VPS26C: variants seen among roughly 807,000 people sequenced by gnomAD.
VPS26C encodes the protein vacuolar protein sorting-associated protein 26C.
A neutral mutation model predicts 30.6 loss-of-function variants in VPS26C; 19 were observed. The observed-to-expected ratio is 0.62, with a 90% CI of 0.43 to 0.91. VPS26C has a LOEUF of 0.91. VPS26C is among the 40% of genes least tolerant of loss of function. The pLI, the probability that VPS26C is intolerant of heterozygous loss-of-function variation, is 0.00. For missense variants in VPS26C, 318 were observed against 385.1 expected, an observed-to-expected ratio of 0.83 and a Z score of 1.46; for synonymous variants, 132 against 151.5, an observed-to-expected ratio of 0.87 and a Z score of 0.95.
intron 1 of VPS26C, among the ~76,000 whole-genome samples, chr21:37,259,558 A>T (rs565901553): frequency 3.5e-4 from 53 of 152,296 alleles, no homozygotes; most frequent in Non-Finnish European, 5.9e-4. Flanking sequence ...TTACTGCAGG[A>T]TTTTTCTAAC....
At chr21:37,235,879 ATT>A (rs1248919097) in intron 3 of VPS26C, among the ~76,000 whole-genome samples, 92 of 111,294 alleles carry the variant, frequency 8.3e-4, no homozygotes, top group African/African-American at 2.8e-3. Flanking sequence ...ATATATATAT[ATT>A]TTTTTTTTTA....
intron 1 of VPS26C, among the ~76,000 whole-genome samples, chr21:37,266,627 C>T (rs1335837259): frequency 6.6e-6 from 1 of 152,194 alleles, no homozygotes; most frequent in African/African-American, 2.4e-5. Context: ...TGTCACAAAA[C>T]CTGTTAATGG....
intron 1 of VPS26C, among the ~76,000 whole-genome samples, chr21:37,250,487 G>A (rs2835683): frequency 0.48 from 72,767 of 151,914 alleles, 18,863 homozygotes; most frequent in African/African-American, 0.67. Context: ...AATAAATATG[G>A]CCACAAATAT....
chr21:37,265,758 A>G (rs1467996735), intron 1 of VPS26C, among the ~76,000 whole-genome samples: 1 of 152,070 alleles, frequency 6.6e-6, no homozygotes, highest in African/African-American at 2.4e-5. Flanking sequence ...GGAATACTAC[A>G]TAGGTGAGTT....
intron 1 of VPS26C, among the ~76,000 whole-genome samples, chr21:37,260,297 ATT>A (rs201383628): frequency 0.011 from 1,612 of 152,296 alleles, 21 homozygotes; most frequent in East Asian, 0.028. Flanking sequence ...TCCATGGGAA[ATT>A]TAATCTTTCA....
At chr21:37,225,714 T>G in intron 7 of VPS26C, 88 bp from the exon 8 acceptor site, 25 of 1,170,414 alleles carry the variant, frequency 2.1e-5, no homozygotes, top group Middle Eastern at 2.6e-4. Context: ...CAGGAAGCTC[T>G]AACGGCGAAG....
intron 1 of VPS26C, among the ~76,000 whole-genome samples, chr21:37,264,475 C>T (rs1316643107): frequency 6.6e-6 from 1 of 152,200 alleles, no homozygotes; most frequent in Non-Finnish European, 1.5e-5. Context: ...CTTTTCATTA[C>T]TTGTATCATA....
chr21:37,232,616 C>T, intron 4 of VPS26C, 165 bp from the exon 5 acceptor site: 1 of 619,894 alleles, frequency 1.6e-6, no homozygotes, highest in East Asian at 2.7e-5. Flanking sequence ...TGTCAAATTT[C>T]CCCATCTTGC....
At chr21:37,267,989 G>T (rs1165345041), upstream of VPS26C, 1 of 152,314 alleles carries the variant, frequency 6.6e-6, no homozygotes, top group African/African-American at 2.4e-5. Context: ...TGATTGGCCG[G>T]CGGCTCGGTT....
At chr21:37,247,809 G>A (rs2148298125) in intron 1 of VPS26C, among the ~76,000 whole-genome samples, 1 of 152,296 alleles carries the variant, frequency 6.6e-6, no homozygotes, top group Admixed American at 6.5e-5. Flanking sequence ...AGACAATGCT[G>A]AATTCCGAGA....
At chr21:37,240,943 G>T (rs1373783512) in intron 1 of VPS26C, among the ~76,000 whole-genome samples, 1 of 152,176 alleles carries the variant, frequency 6.6e-6, no homozygotes, top group African/African-American at 2.4e-5. Flanking sequence ...ACAGATGTCT[G>T]AATTCAAGAG....
chr21:37,244,191 TCA>T (rs1344078286), intron 1 of VPS26C, among the ~76,000 whole-genome samples: 8 of 152,236 alleles, frequency 5.3e-5, no homozygotes, highest in Non-Finnish European at 2.9e-5. Context: ...TTGCTGGCTC[TCA>T]CAGCGGAAAC....
At position 37,224,473 on chromosome 21, in the gene VPS26C, G is replaced by A. The variant is rs2085878494; in HGVS notation, c.*1071C>T. 6.6e-6 allele frequency: 1 copy of A among 152,240 alleles called. No individual in the cohort carries two copies. The highest frequency in any genetic ancestry group is 1.5e-5 in the Non-Finnish European group (1 of 68,110). 9.4% of individuals were successfully genotyped at this position (152,240 alleles called of 1,614,324 possible). A position where few individuals can be genotyped will look rare whatever the true frequency, so the allele number is the denominator to read the frequency against. On this transcript the variant is annotated 3_prime_UTR_variant, in exon 8 of 8. Coordinates refer to ENST00000309117, the MANE Select transcript of VPS26C (RefSeq NM_006052.2). The stretch of plus-strand genomic sequence containing the variant: ...GAGCCAGGGAGGTTGAGGCTGCCGT[G>A]AGCTGTGATCCTGCCAGTGCACTCA...
At chr21:37,256,675 T>G (rs958898953) in intron 1 of VPS26C, among the ~76,000 whole-genome samples, 1 of 152,160 alleles carries the variant, frequency 6.6e-6, no homozygotes, top group Non-Finnish European at 1.5e-5. Flanking sequence ...TTACAGAGAG[T>G]AAAAAGCCCA....
chr21:37,254,358 G>C lies in VPS26C; in HGVS notation c.57+12880C>G, dbSNP rs73903516. Reference sequence around the variant, plus strand: ...TAGAAAGCAAGAGCACGGTTAGGTGGGGTGGCTCGCACTGTAATCCCAACC... The same window carrying C: ...TAGAAAGCAAGAGCACGGTTAGGTGCGGTGGCTCGCACTGTAATCCCAACC... On this transcript the variant is annotated intron_variant, in intron 1 of 7. Coordinates refer to ENST00000309117, the MANE Select transcript of VPS26C (RefSeq NM_006052.2). Among the ~76,000 whole-genome samples, 970 of 152,264 alleles carry C rather than the reference G, an allele frequency of 6.4e-3. 10 individuals are homozygous for C. The highest frequency in any genetic ancestry group is 0.022 in the African/African-American group (907 of 41,548).
At chr21:37,254,702 T>C (rs2086225108) in intron 1 of VPS26C, among the ~76,000 whole-genome samples, 2 of 151,910 alleles carry the variant, frequency 1.3e-5, no homozygotes, top group South Asian at 4.1e-4. Flanking sequence ...TCCCAGCTAC[T>C]TGGGAGGCTG....
At position 37,240,615 on chromosome 21, in the gene VPS26C, T is replaced by C. The variant is rs143567273; in HGVS notation, c.82A>G (p.Ile28Val). 446 of 1,614,134 alleles carry C rather than the reference T, an allele frequency of 2.8e-4. 2 individuals are homozygous for C. The African/African-American group carries it at 4.5e-3, about 16-fold the overall frequency. Reference sequence around the variant, plus strand: ...TGTTGGACTGAATCCTTACTCGATATGACCACCACGCCAGAGAGCACTTCC... The same window carrying C: ...TGTTGGACTGAATCCTTACTCGATACGACCACCACGCCAGAGAGCACTTCC... ...AGEVLSGVVV[I>V]SSKDSVQHQG... The change falls in exon 2 of 8, where the codon ATA becomes GTA. Residue 28 changes from isoleucine (I) to valine (V), a missense_variant. Ile to Val is a conservative substitution (Grantham distance 29). Transcript: ENST00000309117.
intron 2 of VPS26C, among the ~76,000 whole-genome samples, chr21:37,239,984 A>G (rs1382909653): frequency 6.6e-6 from 1 of 152,248 alleles, no homozygotes; most frequent in Admixed American, 6.5e-5. Context: ...CAGACTTTCA[A>G]TAACAGGATA....
At chr21:37,267,717 A>G (rs974709228), upstream of VPS26C, 3 of 240,590 alleles carry the variant, frequency 1.2e-5, no homozygotes, top group Non-Finnish European at 2.5e-5. Flanking sequence ...CGCAGGAAGG[A>G]TGACGCTCCC....
Sources: gnomAD v4.1 joint callset for allele counts (sites outside exome capture counted in the v4.1 genomes callset) on GRCh38, gnomAD v4.1.1 for gene constraint, MANE v1.5 for transcripts, NCBI Gene and HGNC (gene_info 2026-07-23, HGNC 2026-07-21) for gene names.